TTLL11: variants seen among roughly 807,000 people sequenced by gnomAD.
TTLL11 encodes tubulin tyrosine ligase like 11.
In TTLL11, 42 loss-of-function variants were observed where a neutral mutation model predicts 51.7. The ratio of observed to expected loss-of-function variants is 0.81; its 90% CI spans 0.64 to 1.05. The LOEUF is 1.05. TTLL11 is among the 50% of genes least tolerant of loss of function. The pLI, the probability that TTLL11 is intolerant of heterozygous loss-of-function variation, is 0.00. For synonymous variants in TTLL11, 381 were observed against 383.5 expected, an observed-to-expected ratio of 0.99 and a Z score of 0.08; for missense variants, 799 against 940.4, an observed-to-expected ratio of 0.85 and a Z score of 1.97.
chr9:122,039,435 A>G, intron 1 of TTLL11, 67 bp from the exon 2 acceptor site: 1 of 1,294,180 alleles, frequency 7.7e-7, no homozygotes, highest in Non-Finnish European at 1.1e-6. Flanking sequence ...AGTATCCATT[A>G]TGTACAAATT....
At chr9:121,976,714 T>C (rs550345936) in intron 4 of TTLL11, among the ~76,000 whole-genome samples, 269 of 152,334 alleles carry the variant, frequency 1.8e-3, no homozygotes, top group African/African-American at 6.3e-3. Flanking sequence ...TGGGGGCTGA[T>C]TCAAGATGAA....
rs1270978071 is a variant in TTLL11, at chr9:121,826,225, T to C, written c.1841-3346A>G. 2.1e-3 allele frequency among the ~76,000 whole-genome samples: 205 copies of C among 96,168 alleles called. 6 individuals are homozygous for C. The highest frequency in any genetic ancestry group is 7.5e-3 in the African/African-American group (179 of 24,000). 63.1% of individuals were successfully genotyped at this position (96,168 alleles called of 152,430 possible). On this transcript the variant is annotated intron_variant, in intron 8 of 8. Transcript: ENST00000321582. ...ATATATATATATATATATGCACACATATATATATACACGCACATATATATG... is the reference window on the plus strand; with the variant it reads ...ATATATATATATATATATGCACACACATATATATACACGCACATATATATG...
At chr9:121,845,454 A>T (rs779548830) in intron 8 of TTLL11, among the ~76,000 whole-genome samples, 6 of 152,216 alleles carry the variant, frequency 3.9e-5, no homozygotes, top group Non-Finnish European at 8.8e-5. Context: ...AGAGACTCAG[A>T]TCTACATAAA....
intron 6 of TTLL11, among the ~76,000 whole-genome samples, chr9:121,930,489 C>T (rs1055032806): frequency 6.6e-6 from 1 of 152,232 alleles, no homozygotes; most frequent in Non-Finnish European, 1.5e-5. Flanking sequence ...GACATGCCAT[C>T]ACATGACCAA....
At chr9:121,850,833 C>T (rs1189949743) in intron 8 of TTLL11, among the ~76,000 whole-genome samples, 5 of 152,192 alleles carry the variant, frequency 3.3e-5, no homozygotes, top group Admixed American at 6.5e-5. Flanking sequence ...CCAACCATCA[C>T]GTCCTTGGTA....
rs5900503 is a variant in TTLL11, at chr9:121,916,522, G to GAA, written c.1482-45776_1482-45775dup. On this transcript the variant is annotated intron_variant, in intron 6 of 8. Transcript: ENST00000321582. Reference sequence around the variant, plus strand: ...ATAATTTTAAAAACAAAGCAATAAAGAAAAAAAAGCCTTGATACACAGTGG... The same window carrying GAA: ...ATAATTTTAAAAACAAAGCAATAAAGAAAAAAAAAAGCCTTGATACACAGTGG... Among the ~76,000 whole-genome samples the GAA allele has an allele frequency of 1.7e-3, 261 of 151,522 alleles. 2 individuals carry two copies. Among genetic ancestry groups the GAA allele is most frequent in the African/African-American group, 6.2e-3 (256 of 41,342 alleles).
At position 121,876,259 on chromosome 9, in the gene TTLL11, T is replaced by C. The variant is rs192534263; in HGVS notation, c.1482-5511A>G. On this transcript the variant is annotated intron_variant, in intron 6 of 8. Transcript: ENST00000321582. ...TTTCTTCTTATGTATAAGTGGTATA[T>C]AGTTCCAGAAATTAACAGAGAAGTA... is the stretch of plus-strand genomic sequence containing the variant. 1.7e-3 allele frequency among the ~76,000 whole-genome samples: 261 copies of C among 152,390 alleles called. 3 individuals are homozygous for C. Among genetic ancestry groups the C allele is most frequent in the African/African-American group, 5.8e-3 (243 of 41,596 alleles).
Position 121,989,778 on chromosome 9 carries a change from G to C in TTLL11, c.694-8C>G, listed in dbSNP as rs1002577256. On this transcript the variant is annotated splice_polypyrimidine_tract_variant and splice_region_variant and intron_variant, in intron 3 of 8. Transcript: ENST00000321582. The surrounding 1 kb of genome is among the most constrained non-coding windows in gnomAD (Gnocchi z 4.2). Reference sequence around the variant, plus strand: ...GTCTTTCACCATTTGAACCTGGAGGGGGAAAAAAGGATGGCCGACATTATA... The same window carrying C: ...GTCTTTCACCATTTGAACCTGGAGGCGGAAAAAAGGATGGCCGACATTATA... 1.3e-6 allele frequency: 2 copies of C among 1,577,676 alleles called. No individual in the cohort carries two copies. The highest frequency in any genetic ancestry group is 2.7e-5 in the African/African-American group (2 of 73,416).
At chr9:122,015,640 G>A (rs1027317702) in intron 3 of TTLL11, among the ~76,000 whole-genome samples, 2 of 152,114 alleles carry the variant, frequency 1.3e-5, no homozygotes, top group Non-Finnish European at 2.9e-5. Context: ...GTCATCACCA[G>A]GGAAAGGCTG....
At chr9:122,062,833 G>A (rs1272659913) in intron 1 of TTLL11, among the ~76,000 whole-genome samples, 2 of 151,958 alleles carry the variant, frequency 1.3e-5, no homozygotes, top group East Asian at 3.9e-4. Flanking sequence ...ATGCTGGAGT[G>A]CAGTGGCACA....
rs1836583037 is a variant in TTLL11 at position 121,821,732 on chromosome 9, T to C, written c.*855A>G. On this transcript the variant is annotated 3_prime_UTR_variant, in exon 9 of 9. Transcript: ENST00000321582. The surrounding 1 kb of genome is among the most constrained non-coding windows in gnomAD (Gnocchi z 5.0). Reference sequence around the variant, plus strand: ...TGCTCTGGTTCTTATCCATGTCTGATTTCCTTCCCTCACCCAGGGCTCCCA... The same window carrying C: ...TGCTCTGGTTCTTATCCATGTCTGACTTCCTTCCCTCACCCAGGGCTCCCA... 6.6e-6 allele frequency among the ~76,000 whole-genome samples: 1 copy of C among 152,160 alleles called. No individual in the cohort carries two copies. Among genetic ancestry groups the C allele is most frequent in the African/African-American group, 2.4e-5 (1 of 41,450 alleles).
chr9:121,833,638 C>T (rs1045035392), intron 8 of TTLL11, among the ~76,000 whole-genome samples: 1 of 152,112 alleles, frequency 6.6e-6, no homozygotes, highest in Non-Finnish European at 1.5e-5. Context: ...AGTGGCTTGT[C>T]AAGGTCATCG....
At chr9:122,063,398 A>C (rs1028385860) in intron 1 of TTLL11, among the ~76,000 whole-genome samples, 4 of 152,198 alleles carry the variant, frequency 2.6e-5, no homozygotes, top group Non-Finnish European at 5.9e-5. Context: ...TATTCAAAAC[A>C]TATCAGTGAA....
At position 122,092,741 on chromosome 9, in the gene TTLL11, G is replaced by T; in HGVS notation, c.408C>A (p.Ala136=). 6.5e-7 allele frequency: 1 copy of T among 1,538,198 alleles called. No individual in the cohort carries two copies. ...TCTTCAGGGCATCCAGGGAGGTCCTGGCCTTGGAGCTGTCCACGGTGACCG... is the reference window on the plus strand; with the variant it reads ...TCTTCAGGGCATCCAGGGAGGTCCTTGCCTTGGAGCTGTCCACGGTGACCG... The part of the protein sequence containing the change: ...QRPVTVDSSK[A]RTSLDALKIS... The change falls in exon 1 of 9, where the codon GCC becomes GCA. Residue 136 remains alanine, a synonymous_variant. Transcript: ENST00000321582.
At chr9:122,013,110 C>T (rs1470169775) in intron 3 of TTLL11, among the ~76,000 whole-genome samples, 1 of 152,118 alleles carries the variant, frequency 6.6e-6, no homozygotes, top group Non-Finnish European at 1.5e-5. Context: ...CCTAGCAAAC[C>T]TCTGATGCTA....
chr9:121,937,638 A>G (rs1841287181), intron 6 of TTLL11, among the ~76,000 whole-genome samples: 1 of 150,968 alleles, frequency 6.6e-6, no homozygotes, highest in Non-Finnish European at 1.5e-5. Flanking sequence ...GGCTATGGAA[A>G]TCAATGGAAG....
intron 1 of TTLL11, among the ~76,000 whole-genome samples, chr9:122,087,727 A>G (rs1346570345): frequency 1.3e-5 from 2 of 152,134 alleles, no homozygotes; most frequent in South Asian, 2.1e-4. Context: ...GTGTTTTTTC[A>G]TGAGGGTAGC....
intron 1 of TTLL11, among the ~76,000 whole-genome samples, chr9:122,085,867 AG>A (rs1278386829): frequency 7.9e-5 from 12 of 152,220 alleles, no homozygotes; most frequent in Non-Finnish European, 1.8e-4. Flanking sequence ...TAGTCACACA[AG>A]CAATCAGAGG....
At chr9:121,964,283 T>C (rs1842331082) in intron 6 of TTLL11, among the ~76,000 whole-genome samples, 1 of 141,002 alleles carries the variant, frequency 7.1e-6, no homozygotes. Flanking sequence ...AAATTTCTTT[T>C]CCTTTTTTTT....
Sources: gnomAD v4.1 joint callset for allele counts (sites outside exome capture counted in the v4.1 genomes callset) on GRCh38, gnomAD v4.1.1 for gene constraint, Gnocchi (gnomAD v3.1) non-coding constraint, MANE v1.5 for transcripts, NCBI Gene and HGNC (gene_info 2026-07-23, HGNC 2026-07-21) for gene names.